Variants in LRIT3 observed in about 807,000 individuals in gnomAD.
The protein encoded by LRIT3 is leucine rich repeat, Ig-like and transmembrane domains 3.
A neutral mutation model predicts 22.6 loss-of-function variants in LRIT3; 14 were observed. The observed-to-expected ratio is 0.62, with a 90% CI of 0.41 to 0.97. The LOEUF is 0.97. Among genes scored for constraint, LRIT3 ranks in the 50% least tolerant of loss-of-function variants. LRIT3 has a pLI of 0.00. For missense variants in LRIT3, 783 were observed against 803.0 expected, an observed-to-expected ratio of 0.98 and a Z score of 0.30; for synonymous variants, 306 against 304.5, an observed-to-expected ratio of 1.01 and a Z score of -0.05.
intron 2 of LRIT3, among the ~76,000 whole-genome samples, chr4:109,853,945 A>G (rs1421415465): frequency 1.3e-5 from 2 of 152,080 alleles, no homozygotes; most frequent in Admixed American, 1.3e-4. Context: ...ATTTGTCTAT[A>G]TATCTGTTTT....
intron 1 of LRIT3, 32 bp downstream of exon 1, chr4:109,848,349 C>A: frequency 8.6e-7 from 1 of 1,163,140 alleles, no homozygotes; most frequent in South Asian, 4.4e-5. Flanking sequence ...TAAGTGTTCT[C>A]ATTATTTTGA....
At chr4:109,853,450 T>A (rs534113853) in intron 2 of LRIT3, among the ~76,000 whole-genome samples, 1 of 152,350 alleles carries the variant, frequency 6.6e-6, no homozygotes, top group African/African-American at 2.4e-5. Context: ...TCTTTTTTCT[T>A]GTAAATTTGT....
chr4:109,869,709 C>G lies in LRIT3; in HGVS notation c.960C>G (p.Ser320=). The G allele has an allele frequency of 6.2e-7, 1 of 1,603,570 alleles. No homozygotes were observed. Among genetic ancestry groups the G allele is most frequent in the Non-Finnish European group, 8.5e-7 (1 of 1,174,576 alleles). ...TAATGAGCTTGACAGGCATTTCTTCCAAAGACGCTGGGGATTACAAATGTA... is the reference window on the plus strand; with the variant it reads ...TAATGAGCTTGACAGGCATTTCTTCGAAAGACGCTGGGGATTACAAATGTA... The part of the protein sequence containing the change: ...WSIMSLTGIS[S]KDAGDYKCKA... Residue 320 remains serine, a synonymous_variant, in exon 4 of 4, where the codon TCC becomes TCG. Coordinates refer to ENST00000594814, the MANE Select transcript of LRIT3 (RefSeq NM_198506.5).
At chr4:109,865,816 G>A (rs1017280980) in intron 2 of LRIT3, among the ~76,000 whole-genome samples, 2 of 152,124 alleles carry the variant, frequency 1.3e-5, no homozygotes, top group Non-Finnish European at 2.9e-5. Flanking sequence ...TCTCATGGGG[G>A]TGAAGCTTGA....
At chr4:109,852,325 T>C (rs1351554233) in intron 2 of LRIT3, among the ~76,000 whole-genome samples, 4 of 152,242 alleles carry the variant, frequency 2.6e-5, no homozygotes, top group South Asian at 2.1e-4. Context: ...CATACTCTGG[T>C]ACAAAGTTCT....
At chr4:109,857,012 G>A (rs1010152304) in intron 2 of LRIT3, among the ~76,000 whole-genome samples, 2 of 151,958 alleles carry the variant, frequency 1.3e-5, no homozygotes, top group African/African-American at 4.8e-5. Flanking sequence ...GATTTCCAAG[G>A]CCTATGTAAG....
chr4:109,863,928 A>G (rs1219243478), intron 2 of LRIT3, among the ~76,000 whole-genome samples: 1 of 152,220 alleles, frequency 6.6e-6, no homozygotes, highest in African/African-American at 2.4e-5. Flanking sequence ...TCTTTGCCAC[A>G]TAGGAAGCAA....
At chr4:109,868,526 G>A (rs535094818) in intron 3 of LRIT3, among the ~76,000 whole-genome samples, 3 of 132,684 alleles carry the variant, frequency 2.3e-5, no homozygotes, top group East Asian at 2.4e-4. Context: ...AGTTAAGATC[G>A]CACCACTGCA....
intron 2 of LRIT3, among the ~76,000 whole-genome samples, chr4:109,863,846 C>T (rs1314820749): frequency 1.3e-5 from 2 of 152,140 alleles, no homozygotes; most frequent in African/African-American, 4.8e-5. Context: ...GAGTTGCTGG[C>T]AAACTGGAAT....
At position 109,870,414 on chromosome 4, in the gene LRIT3, T is replaced by A. The variant is rs1454516912; in HGVS notation, c.1665T>A (p.Cys555Ter). Residue 555 changes from cysteine to a stop codon, truncating the protein, a stop_gained, in exon 4 of 4, where the codon TGT becomes TGA. Transcript: ENST00000594814. LOFTEE classifies it low-confidence loss of function (END_TRUNC). Reference protein sequence around the residue: ...EPGGQYMACVCPKGVPPQKDQ... With the variant: ...EPGGQYMACV ...GTGGGCAATACATGGCCTGTGTCTG[T>A]CCAAAAGGAGTGCCTCCCCAGAAAG... is the stretch of plus-strand genomic sequence containing the variant. 2 of 1,614,170 alleles carry A rather than the reference T, an allele frequency of 1.2e-6. No individual in the cohort carries two copies. The highest frequency in any genetic ancestry group is 2.2e-5 in the South Asian group (2 of 91,068).
At chr4:109,850,410 C>CTTTCTTTCTCTTTCTTTCTTTCTTTCTTT (rs1328726520) in intron 1 of LRIT3, among the ~76,000 whole-genome samples, 1 of 5,698 alleles carries the variant, frequency 1.8e-4, no homozygotes, top group African/African-American at 2.5e-4. Context: ...TTCCTTCCTT[C>CTTTCTTTCTCTTTCTTTCTTTCTTTCTTT]CTTCCTTCCT....
In LRIT3 at chr4:109,870,421, G is replaced by T. The variant is rs1358856994; in HGVS notation, c.1672G>T (p.Gly558Ter). The change falls in exon 4 of 4, where the codon GGA (glycine) becomes TGA (stop). Residue 558 changes from glycine to a stop codon, truncating the protein, a stop_gained. Transcript: ENST00000594814. LOFTEE classifies it low-confidence loss of function (END_TRUNC). ...ATACATGGCCTGTGTCTGTCCAAAAGGAGTGCCTCCCCAGAAAGACCAATG... is the reference window on the plus strand; with the variant it reads ...ATACATGGCCTGTGTCTGTCCAAAATGAGTGCCTCCCCAGAAAGACCAATG... The part of the protein sequence containing the change: ...GQYMACVCPK[G>*]VPPQKDQCIT... 3 of 1,614,156 alleles carry T rather than the reference G, an allele frequency of 1.9e-6. No individual in the cohort carries two copies. Among genetic ancestry groups the T allele is most frequent in the Non-Finnish European group, 2.5e-6 (3 of 1,180,036 alleles).
chr4:109,850,402 C>CTTTCTTTCTCTTT (rs1560588814), intron 1 of LRIT3, among the ~76,000 whole-genome samples: 6 of 764 alleles, frequency 7.9e-3, no homozygotes, highest in African/African-American at 0.012. Flanking sequence ...TTCCTTCCTT[C>CTTTCTTTCTCTTT]CTTCCTTCCT....
chr4:109,852,314 C>G (rs1370570963), intron 2 of LRIT3, among the ~76,000 whole-genome samples: 1 of 152,208 alleles, frequency 6.6e-6, no homozygotes, highest in Admixed American at 6.5e-5. Flanking sequence ...CAGCATTGCT[C>G]CATACTCTGG....
intron 2 of LRIT3, among the ~76,000 whole-genome samples, chr4:109,857,491 A>G (rs558439299): frequency 2.6e-5 from 4 of 152,040 alleles, no homozygotes; most frequent in Admixed American, 1.3e-4. Context: ...TCCAGCCCAA[A>G]CTCTCATACC....
chr4:109,850,414 C>CTTTCTTTCTTTCTTTCTTT (rs1560588921), intron 1 of LRIT3, among the ~76,000 whole-genome samples: 240 of 11,752 alleles, frequency 0.02, 20 homozygotes, highest in East Asian at 0.048. Flanking sequence ...TTCCTTCCTT[C>CTTTCTTTCTTTCTTTCTTT]CTTCCTTCCT....
At chr4:109,869,567 G>C (rs1734767870) in intron 3 of LRIT3, 78 bp from the exon 4 acceptor site, 3 of 1,385,588 alleles carry the variant, frequency 2.2e-6, no homozygotes, top group South Asian at 1.4e-5. Flanking sequence ...AGAGTGGATA[G>C]TTGTTTCCTC....
chr4:109,868,147 T>C (rs1734731281), intron 3 of LRIT3, among the ~76,000 whole-genome samples: 1 of 152,206 alleles, frequency 6.6e-6, no homozygotes, highest in South Asian at 2.1e-4. Flanking sequence ...TTAAACAATC[T>C]AAACTCTTTT....
rs1030706016 is a variant in LRIT3 at position 109,871,241 on chromosome 4, A to G, written c.*452A>G. The G allele has an allele frequency of 6.5e-6, 1 of 153,128 alleles. No homozygotes were observed. The highest frequency in any genetic ancestry group is 2.4e-5 in the African/African-American group (1 of 41,474). 9.5% of individuals were successfully genotyped at this position (153,128 alleles called of 1,614,324 possible). A position where few individuals can be genotyped will look rare whatever the true frequency, so the allele number is the denominator to read the frequency against. On this transcript the variant is annotated 3_prime_UTR_variant, in exon 4 of 4. Coordinates refer to ENST00000594814, the MANE Select transcript of LRIT3 (RefSeq NM_198506.5). The stretch of plus-strand genomic sequence containing the variant: ...ATTGCCTAATGGAGAGCGTGGGATC[A>G]TAAAGGATTTTGTGTTCACTAAGGT...
Sources: allele counts gnomAD v4.1 joint callset (sites outside exome capture counted in the v4.1 genomes callset), GRCh38; gene constraint gnomAD v4.1.1; transcripts MANE v1.5; gene names NCBI Gene and HGNC (gene_info 2026-07-23, HGNC 2026-07-21).